The following SYT16 variants were observed in gnomAD, a reference collection of about 807,000 sequenced individuals.
The protein encoded by SYT16 is synaptotagmin 16.
SYT16 carries 42 observed loss-of-function variants against 61.4 expected under a neutral mutation model. The observed-to-expected ratio is 0.68, with a 90% CI of 0.53 to 0.89. The LOEUF (loss-of-function observed/expected upper bound fraction) is 0.89, where lower values mean the gene tolerates loss of function less well. Ranked by LOEUF, SYT16 falls within the 40% of genes least tolerant of loss-of-function variation. The pLI is 0.00. For synonymous variants in SYT16, 314 were observed against 302.3 expected (o/e 1.04, Z -0.40); for missense variants, 804 against 807.3 (o/e 1.00, Z 0.05).
intron 1 of SYT16, among the ~76,000 whole-genome samples, chr14:61,887,521 C>T (rs756821486): frequency 2.6e-5 from 4 of 152,220 alleles, no homozygotes; most frequent in Non-Finnish European, 5.9e-5. Flanking sequence ...CAATAGAAGG[C>T]TGTTTTGTGT....
intron 3 of SYT16, among the ~76,000 whole-genome samples, chr14:62,009,622 A>G (rs1288846017): frequency 1.3e-5 from 2 of 152,174 alleles, no homozygotes; most frequent in Non-Finnish European, 2.9e-5. Flanking sequence ...AGGTTCTCCT[A>G]TGCCCAAAAG....
In SYT16 at chr14:61,845,775, A is replaced by G. The variant is rs555167816; in HGVS notation, c.-325+32965A>G. Among the ~76,000 whole-genome samples, 12 of 151,904 alleles carry G rather than the reference A, an allele frequency of 7.9e-5. No homozygotes were observed. The South Asian group carries it at 2.5e-3, about 32-fold the overall frequency. ...AATGCATTATTAGGTTGTTTATTTGAAATTTTTCTTGTTTTTTGATGTAGG... is the reference window on the plus strand; with the variant it reads ...AATGCATTATTAGGTTGTTTATTTGGAATTTTTCTTGTTTTTTGATGTAGG... On this transcript the variant is annotated intron_variant, in intron 1 of 7. Coordinates refer to ENST00000683842, the MANE Select transcript of SYT16 (RefSeq NM_001367656.1).
At chr14:61,886,867 A>AT (rs1334472393) in intron 1 of SYT16, among the ~76,000 whole-genome samples, 7 of 67,000 alleles carry the variant, frequency 1.0e-4, no homozygotes, top group Non-Finnish European at 2.1e-4. Context: ...AGTTACGCTT[A>AT]TTTTTTTTTT....
intron 3 of SYT16, among the ~76,000 whole-genome samples, chr14:62,029,438 C>A (rs774538236): frequency 4.6e-5 from 7 of 152,178 alleles, no homozygotes; most frequent in South Asian, 2.1e-4. Context: ...CCTGCTTGAG[C>A]GAATAGCGGT....
At chr14:62,031,480 C>G (rs549508126) in intron 3 of SYT16, among the ~76,000 whole-genome samples, 1 of 152,092 alleles carries the variant, frequency 6.6e-6, no homozygotes, top group Non-Finnish European at 1.5e-5. Context: ...GTTGAACTTT[C>G]GGGCATCTTT....
At chr14:61,935,773 T>A (rs780959084) in intron 1 of SYT16, among the ~76,000 whole-genome samples, 11 of 152,254 alleles carry the variant, frequency 7.2e-5, no homozygotes, top group Non-Finnish European at 1.2e-4. Context: ...TTGTTCTTGA[T>A]CTTGCTTTGC....
intron 7 of SYT16, among the ~76,000 whole-genome samples, chr14:62,093,596 T>G (rs1348039026): frequency 6.6e-6 from 1 of 152,098 alleles, no homozygotes; most frequent in Non-Finnish European, 1.5e-5. Context: ...AGCTCAGGAA[T>G]GCAAGAATGA....
In SYT16 at chr14:62,048,175, G is replaced by A. The variant is rs561363942; in HGVS notation, c.524-21428G>A. Among the ~76,000 whole-genome samples, 10 of 152,198 alleles carry A rather than the reference G, an allele frequency of 6.6e-5. No individual in the cohort carries two copies. In the South Asian group the frequency reaches 1.0e-3, roughly 16 times the overall value. ...CAGAATCTGTTATTGGTCCATTCAG[G>A]GATTCAACTTCTTCCTGGTTTAGTC... On this transcript the variant is annotated intron_variant, in intron 3 of 7. Transcript: ENST00000683842.
intron 3 of SYT16, among the ~76,000 whole-genome samples, chr14:62,004,854 G>A (rs1048453282): frequency 2.0e-5 from 3 of 152,162 alleles, no homozygotes; most frequent in Admixed American, 1.3e-4. Context: ...CACTGACCCT[G>A]CGGTGTGGGT....
intron 3 of SYT16, among the ~76,000 whole-genome samples, chr14:62,029,252 C>T (rs1026620222): frequency 3.3e-5 from 5 of 152,186 alleles, no homozygotes; most frequent in African/African-American, 1.2e-4. Context: ...CCTCAGCCTC[C>T]TGAGTAGCTG....
Position 61,921,770 on chromosome 14 carries a change from A to G in SYT16, c.-324-48362A>G, listed in dbSNP as rs182036909. Among the ~76,000 whole-genome samples the G allele has an allele frequency of 1.7e-3, 255 of 152,324 alleles. 1 individual carries two copies. Among genetic ancestry groups the G allele is most frequent in the African/African-American group, 5.7e-3 (238 of 41,580 alleles). On this transcript the variant is annotated intron_variant, in intron 1 of 7. Coordinates refer to ENST00000683842, the MANE Select transcript of SYT16 (RefSeq NM_001367656.1). ...TCACATGGAGAACCCAGCAAGAGAG[A>G]GTGGACAGGTAGCAGGCTGTCACCT... is the stretch of plus-strand genomic sequence containing the variant.
chr14:61,986,059 A>T (rs1281524942), intron 2 of SYT16, among the ~76,000 whole-genome samples: 1 of 152,158 alleles, frequency 6.6e-6, no homozygotes, highest in East Asian at 1.9e-4. Context: ...GATATTAAAC[A>T]TATTTTTTGA....
chr14:62,090,865 C>T (rs2057047231), intron 7 of SYT16, among the ~76,000 whole-genome samples: 1 of 152,140 alleles, frequency 6.6e-6, no homozygotes, highest in African/African-American at 2.4e-5. Flanking sequence ...AGGCAAAAGG[C>T]ATGTCTTACA....
intron 1 of SYT16, among the ~76,000 whole-genome samples, chr14:61,837,742 C>T (rs1008799096): frequency 1.3e-5 from 2 of 152,198 alleles, no homozygotes; most frequent in Non-Finnish European, 2.9e-5. Flanking sequence ...CCAGAACAGC[C>T]ACGCCTTGGA....
At chr14:61,909,344 T>A (rs1436462375) in intron 1 of SYT16, among the ~76,000 whole-genome samples, 1 of 152,234 alleles carries the variant, frequency 6.6e-6, no homozygotes, top group Admixed American at 6.5e-5. Flanking sequence ...AGAAATGTGT[T>A]CTTTCACAGT....
At chr14:61,959,529 C>A (rs914427256) in intron 1 of SYT16, among the ~76,000 whole-genome samples, 2 of 151,966 alleles carry the variant, frequency 1.3e-5, no homozygotes, top group African/African-American at 4.8e-5. Context: ...TTATGTCTTC[C>A]CCCAACGCTT....
At chr14:61,918,871 T>G (rs1258961743) in intron 1 of SYT16, among the ~76,000 whole-genome samples, 1 of 152,140 alleles carries the variant, frequency 6.6e-6, no homozygotes, top group African/African-American at 2.4e-5. Context: ...GTTGCAAGCA[T>G]GTAGGCAAGG....
chr14:62,080,737 G>A, intron 5 of SYT16, 97 bp from the exon 6 acceptor site: 1 of 1,209,636 alleles, frequency 8.3e-7, no homozygotes, highest in South Asian at 1.5e-5. Context: ...CAGTTAGAAA[G>A]CAGGGATTCT....
chr14:62,054,568 C>T (rs554011742), intron 3 of SYT16, among the ~76,000 whole-genome samples: 24 of 152,024 alleles, frequency 1.6e-4, no homozygotes, highest in Admixed American at 1.3e-3. Flanking sequence ...CCTCATGTTG[C>T]CCAGGCTGGT....
Sources: allele counts gnomAD v4.1 joint callset (sites outside exome capture counted in the v4.1 genomes callset), GRCh38; gene constraint gnomAD v4.1.1; transcripts MANE v1.5; gene names NCBI Gene and HGNC (gene_info 2026-07-23, HGNC 2026-07-21).